The following CABLES2 variants were observed in gnomAD, a reference collection of about 807,000 sequenced individuals.
CABLES2 encodes the protein Cdk5 and Abl enzyme substrate 2.
A neutral mutation model predicts 44.8 loss-of-function variants in CABLES2; 35 were observed. That is an observed-to-expected ratio of 0.78 (90% confidence interval 0.60 to 1.04). The LOEUF (loss-of-function observed/expected upper bound fraction) is 1.04. Ranked by LOEUF, CABLES2 falls within the 50% of genes least tolerant of loss-of-function variation. The pLI, the probability that CABLES2 is intolerant of heterozygous loss-of-function variation, is 0.00. For synonymous variants in CABLES2, 282 were observed against 281.1 expected (o/e 1.00, Z -0.03); for missense variants, 566 against 615.7 (o/e 0.92, Z 0.85).
chr20:62,398,038 T>C, intron 1 of CABLES2, among the ~76,000 whole-genome samples: 1 of 144,616 alleles, frequency 6.9e-6, no homozygotes, highest in Non-Finnish European at 1.5e-5. Flanking sequence ...GTGACAGTGA[T>C]GGTGATGGTG....
chr20:62,407,144 G>C lies in CABLES2; in HGVS notation c.133C>G (p.Arg45Gly). Residue 45 changes from arginine (R) to glycine (G), a missense_variant, in exon 1 of 10, where the codon CGC (arginine) becomes GGC (glycine). This residue lies in a region of CABLES2 where 130 missense variants were observed against 79.4 expected (regional missense o/e 1.64). Transcript: ENST00000279101. ...TTGAGGAAGAAAAGCGCGGCCTGGC[G>C]GCGCCGCGAGTCCCCGCGCCTCCGC... ...ALRRRGDSRR[R>G]QAALFFLNNI... The C allele has an allele frequency of 9.8e-7, 1 of 1,019,412 alleles. No individual in the cohort carries two copies. The highest frequency in any genetic ancestry group is 1.2e-6 in the Non-Finnish European group (1 of 851,004). 63.1% of individuals were successfully genotyped at this position (1,019,412 alleles called of 1,614,324 possible).
intron 1 of CABLES2, among the ~76,000 whole-genome samples, chr20:62,397,770 A>G (rs1988044903): frequency 6.6e-6 from 1 of 152,086 alleles, no homozygotes; most frequent in Admixed American, 6.6e-5. Flanking sequence ...ACAACGTTGC[A>G]GTATTGGAAA....
At chr20:62,397,316 C>G (rs149858655) in intron 1 of CABLES2, among the ~76,000 whole-genome samples, 1 of 152,178 alleles carries the variant, frequency 6.6e-6, no homozygotes, top group Non-Finnish European at 1.5e-5. Flanking sequence ...ACCCACCTGC[C>G]GTCTGCCTCC....
intron 4 of CABLES2, among the ~76,000 whole-genome samples, chr20:62,394,525 A>T (rs1987980152): frequency 6.6e-6 from 1 of 152,160 alleles, no homozygotes; most frequent in Admixed American, 6.5e-5. Context: ...TCACTAGCCC[A>T]CTAGGTACAT....
At chr20:62,392,828 TG>T in intron 7 of CABLES2, 91 bp downstream of exon 7, 4 of 1,157,278 alleles carry the variant, frequency 3.5e-6, no homozygotes, top group South Asian at 1.3e-5. Flanking sequence ...GTCACGCCCC[TG>T]GGGCAGCTTT....
Position 62,394,932 on chromosome 20 carries a change from C to T in CABLES2, c.605+5G>A, listed in dbSNP as rs761106683. 1.2e-6 allele frequency: 2 copies of T among 1,612,354 alleles called. No homozygotes were observed. Among genetic ancestry groups the T allele is most frequent in the Non-Finnish European group, 1.7e-6 (2 of 1,179,688 alleles). On this transcript the variant is annotated splice_donor_5th_base_variant and intron_variant, in intron 4 of 9. Coordinates refer to ENST00000279101, the MANE Select transcript of CABLES2 (RefSeq NM_031215.3). ...CCGCATGCGAGGCAAGCGCTGAGTA[C>T]TCACCTGATCCGCAGGCCTTCCCCA...
Position 62,407,134 on chromosome 20 carries a change from G to A in CABLES2, c.143C>T (p.Ala48Val), listed in dbSNP as rs1988311917. The A allele has an allele frequency of 9.8e-7, 1 of 1,025,590 alleles. No homozygotes were observed. Among genetic ancestry groups the A allele is most frequent in the Non-Finnish European group, 1.2e-6 (1 of 854,446 alleles). The allele number at this position is 1,025,590 out of a possible 1,614,324, so 63.5% of individuals were successfully genotyped here. Reference protein sequence around the residue: ...RRGDSRRRQAALFFLNNISLD... With the variant: ...RRGDSRRRQAVLFFLNNISLD... ...GGAGATGTTGTTGAGGAAGAAAAGC[G>A]CGGCCTGGCGGCGCCGCGAGTCCCC... The change falls in exon 1 of 10, where the codon GCG (alanine) becomes GTG (valine). Residue 48 changes from alanine (A) to valine (V), a missense_variant. By Grantham distance (64) the Ala-to-Val change is moderately conservative. Transcript: ENST00000279101.
At chr20:62,406,833 C>A (rs112327093) in intron 1 of CABLES2, 82 bp downstream of exon 1, 1 of 801,764 alleles carries the variant, frequency 1.2e-6, no homozygotes, top group Non-Finnish European at 1.6e-6. Flanking sequence ...GTAATCCTGA[C>A]CCCTAGTCCT....
intron 1 of CABLES2, among the ~76,000 whole-genome samples, chr20:62,397,485 C>G (rs1988040979): frequency 6.6e-6 from 1 of 152,188 alleles, no homozygotes; most frequent in Admixed American, 6.5e-5. Flanking sequence ...CTGTACAACG[C>G]ACTTCCTTGA....
chr20:62,398,121 G>GTGGTGA (rs1555890790), intron 1 of CABLES2, among the ~76,000 whole-genome samples: 7 of 82,512 alleles, frequency 8.5e-5, no homozygotes, highest in African/African-American at 1.3e-4. Flanking sequence ...GGTGGTGGTG[G>GTGGTGA]TGGTTATGAC....
chr20:62,394,668 T>A (rs868808169), intron 4 of CABLES2, among the ~76,000 whole-genome samples: 9 of 152,274 alleles, frequency 5.9e-5, no homozygotes, highest in African/African-American at 1.9e-4. Context: ...CAGCACCAAG[T>A]GGCTCTGTCC....
rs199691774 is a variant in CABLES2 at position 62,391,494 on chromosome 20, C to G, written c.1092-41G>C. On this transcript the variant is annotated intron_variant, in intron 8 of 9. Transcript: ENST00000279101. This position sits in a 1 kb window ranked among gnomAD's most constrained non-coding sequence, Gnocchi z 5.7. ...GAAGCCATGTCCCTGGGGGCTCTGGCTGGGGCTGAGGAGGCAGCCCCCTGC... is the reference window on the plus strand; with the variant it reads ...GAAGCCATGTCCCTGGGGGCTCTGGGTGGGGCTGAGGAGGCAGCCCCCTGC... 1.1e-5 allele frequency: 17 copies of G among 1,602,518 alleles called. No individual in the cohort carries two copies. The African/African-American group carries it at 2.3e-4, about 21-fold the overall frequency.
intron 7 of CABLES2, 114 bp downstream of exon 7, chr20:62,392,806 G>T: frequency 1.1e-6 from 1 of 926,564 alleles, no homozygotes; most frequent in East Asian, 2.4e-5. Flanking sequence ...CTGCGATCCG[G>T]GATGGGGGCA....
rs1343317562 is a variant in CABLES2 at position 62,394,940 on chromosome 20, A to G, written c.602T>C (p.Ile201Thr). 1.2e-6 allele frequency: 2 copies of G among 1,612,618 alleles called. No individual in the cohort carries two copies. The highest frequency in any genetic ancestry group is 1.7e-6 in the Non-Finnish European group (2 of 1,179,802). The change falls in exon 4 of 10, where the codon ATC (isoleucine) becomes ACC (threonine). Residue 201 changes from isoleucine (I) to threonine (T), a missense_variant. Ile to Thr is a moderately conservative substitution (Grantham distance 89). Coordinates refer to ENST00000279101, the MANE Select transcript of CABLES2 (RefSeq NM_031215.3). ...SVLPYGEGLR[I>T]SDLRVDSQKQ... ...GAGGCAAGCGCTGAGTACTCACCTG[A>G]TCCGCAGGCCTTCCCCATAGGGCAG... is the stretch of plus-strand genomic sequence containing the variant.
At chr20:62,406,496 G>A (rs987501778) in intron 1 of CABLES2, among the ~76,000 whole-genome samples, 13 of 152,054 alleles carry the variant, frequency 8.5e-5, no homozygotes, top group African/African-American at 2.7e-4. Flanking sequence ...CCGTATTCAG[G>A]GGCTGGGAGA....
intron 1 of CABLES2, among the ~76,000 whole-genome samples, chr20:62,400,473 C>G (rs1027236688): frequency 6.6e-6 from 1 of 152,132 alleles, no homozygotes; most frequent in African/African-American, 2.4e-5. Flanking sequence ...ATGGGCAGGG[C>G]CCACACTGGG....
Position 62,394,944 on chromosome 20 carries a change from G to C in CABLES2, c.598C>G (p.Arg200Gly), listed in dbSNP as rs375112262. The C allele has an allele frequency of 6.2e-7, 1 of 1,612,560 alleles. No homozygotes were observed. Among genetic ancestry groups the C allele is most frequent in the Non-Finnish European group, 8.5e-7 (1 of 1,179,732 alleles). Residue 200 changes from arginine to glycine, a missense_variant, in exon 4 of 10, where the codon CGG becomes GGG. Arg to Gly is a moderately radical substitution (Grantham distance 125, BLOSUM62 -2). Coordinates refer to ENST00000279101, the MANE Select transcript of CABLES2 (RefSeq NM_031215.3). ...CAAGCGCTGAGTACTCACCTGATCC[G>C]CAGGCCTTCCCCATAGGGCAGGACC... ...FSVLPYGEGL[R>G]ISDLRVDSQK... is the part of the protein sequence containing the mutation.
At chr20:62,399,397 C>T (rs1349369144) in intron 1 of CABLES2, among the ~76,000 whole-genome samples, 1 of 151,486 alleles carries the variant, frequency 6.6e-6, no homozygotes, top group Non-Finnish European at 1.5e-5. Flanking sequence ...CAGGCGCCCG[C>T]CACCACGCTC....
chr20:62,391,567 AC>A lies in CABLES2; in HGVS notation c.1092-115del. 1 of 1,032,404 alleles carries A rather than the reference AC, an allele frequency of 9.7e-7. No individual in the cohort carries two copies. Among genetic ancestry groups the A allele is most frequent in the Non-Finnish European group, 1.5e-6 (1 of 675,042 alleles). 64.0% of individuals were successfully genotyped at this position (1,032,404 alleles called of 1,614,324 possible). On this transcript the variant is annotated intron_variant, in intron 8 of 9. Transcript: ENST00000279101. This position sits in a 1 kb window ranked among gnomAD's most constrained non-coding sequence, Gnocchi z 5.7. ...GATGTAGCTTTGGGCCGCAAGAAAC[AC>A]CACCGCATCCTTCAGGGGATGGTAC...
Sources: allele counts gnomAD v4.1 joint callset (sites outside exome capture counted in the v4.1 genomes callset), GRCh38; gene constraint gnomAD v4.1.1; regional missense constraint gnomAD v4.1.1; non-coding constraint Gnocchi (gnomAD v3.1); transcripts MANE v1.5; gene names NCBI Gene and HGNC (gene_info 2026-07-23, HGNC 2026-07-21).